C4orf50: variants seen among roughly 807,000 people sequenced by gnomAD.
C4orf50 encodes uncharacterized protein C4orf50.
Under a neutral mutation model 77.2 loss-of-function variants are expected in C4orf50, and 80 were observed. The ratio of observed to expected loss-of-function variants is 1.04; its 90% CI spans 0.87 to 1.25. The LOEUF is 1.25. Ranked by LOEUF, C4orf50 falls within the 50% of genes most tolerant of loss-of-function variation. C4orf50 has a pLI of 0.00. For synonymous variants in C4orf50, 532 were observed against 465.3 expected, an observed-to-expected ratio of 1.14 and a Z score of -1.84; for missense variants, 1,257 against 1,152.9, an observed-to-expected ratio of 1.09 and a Z score of -1.31.
intron 7 of C4orf50, among the ~76,000 whole-genome samples, chr4:5,911,878 T>C (rs1716822033): frequency 1.3e-5 from 2 of 152,082 alleles, no homozygotes; most frequent in Admixed American, 1.3e-4. Context: ...AAACCCCGTC[T>C]CTACTAAAAA....
rs901269969 is a variant in C4orf50 at position 5,916,254 on chromosome 4, A to G, written c.*2475-18066T>C. On this transcript the variant is annotated intron_variant, in intron 7 of 7. Coordinates refer to the C4orf50 transcript ENST00000324058. The surrounding 1 kb of genome is among the most constrained non-coding windows in gnomAD (Gnocchi z 4.4). ...AGCTCCTGGTTACTCTGGGGGGCCC[A>G]TGCACAGAGAATCATAGTTTCAGAA... Among the ~76,000 whole-genome samples the G allele has an allele frequency of 5.9e-5, 9 of 152,196 alleles. No individual in the cohort carries two copies. The highest frequency in any genetic ancestry group is 1.9e-4 in the African/African-American group (8 of 41,450).
At chr4:5,897,779 A>G (rs1716185448) in exon 8 of C4orf50, 1 of 152,232 alleles carries the variant, frequency 6.6e-6, no homozygotes, top group Admixed American at 6.5e-5. Flanking sequence ...CCGACCCACA[A>G]CTGGTCAGGA....
chr4:5,917,654 C>T (rs1367174357), intron 7 of C4orf50, among the ~76,000 whole-genome samples: 4 of 151,994 alleles, frequency 2.6e-5, no homozygotes, highest in African/African-American at 9.7e-5. Flanking sequence ...CCTCGTGATC[C>T]GCTCACCTTG....
At chr4:5,971,328 G>T (rs1035250050) in intron 31 of C4orf50, among the ~76,000 whole-genome samples, 2 of 152,320 alleles carry the variant, frequency 1.3e-5, no homozygotes, top group East Asian at 1.9e-4. Context: ...CCAGCGCCAC[G>T]CCCACCCTGC....
At chr4:5,941,738 T>C (rs973984530) in intron 7 of C4orf50, among the ~76,000 whole-genome samples, 1 of 152,042 alleles carries the variant, frequency 6.6e-6, no homozygotes, top group Non-Finnish European at 1.5e-5. Flanking sequence ...TTGTCCCCAT[T>C]GTACGGAGGA....
rs775127069 is a variant in C4orf50 at position 5,908,422 on chromosome 4, C to T, written c.*2475-10234G>A. On this transcript the variant is annotated intron_variant, in intron 7 of 7. Coordinates refer to the C4orf50 transcript ENST00000324058. The surrounding 1 kb of genome is among the most constrained non-coding windows in gnomAD (Gnocchi z 5.6). The stretch of plus-strand genomic sequence containing the variant: ...TCAACCAGTGGGCTCTGTGATGTGA[C>T]GATTCTATAAAACCACAGGAGGCAT... Among the ~76,000 whole-genome samples, 1 of 152,032 alleles carries T rather than the reference C, an allele frequency of 6.6e-6. No homozygotes were observed. The highest frequency in any genetic ancestry group is 1.5e-5 in the Non-Finnish European group (1 of 68,008).
chr4:5,940,275 T>C lies in C4orf50; in HGVS notation c.*2474+16626A>G, dbSNP rs1043165043. Reference sequence around the variant, plus strand: ...GCCCTCCTTTCCAAATGTATGAACCTCATCATTCAGTTGACACACTTGATA... The same window carrying C: ...GCCCTCCTTTCCAAATGTATGAACCCCATCATTCAGTTGACACACTTGATA... On this transcript the variant is annotated intron_variant, in intron 7 of 7. Transcript: ENST00000324058. Among the ~76,000 whole-genome samples the C allele has an allele frequency of 2.6e-5, 4 of 152,358 alleles. No homozygotes were observed. In the South Asian group the frequency reaches 8.3e-4, roughly 32 times the overall value.
exon 28 of C4orf50, chr4:5,988,594 G>T (rs1411802744): frequency 6.5e-7 from 1 of 1,536,298 alleles, no homozygotes; most frequent in Non-Finnish European, 8.7e-7. Context: ...CTCCTCCAAG[G>T]GTGGCCCACA....
chr4:5,969,728 G>A lies in C4orf50; in HGVS notation c.4105-2266C>T, dbSNP rs566968753. On this transcript the variant is annotated intron_variant, in intron 31 of 33. Transcript: ENST00000531445. The stretch of plus-strand genomic sequence containing the variant: ...CATAGGGTACAGCAGCCCCCACCTG[G>A]CCTAAGATAACAGGTGGCTTAGGTA... 1.6e-3 allele frequency among the ~76,000 whole-genome samples: 238 copies of A among 152,266 alleles called. 1 individual carries two copies. Among genetic ancestry groups the A allele is most frequent in the Middle Eastern group, 6.8e-3 (2 of 294 alleles).
At chr4:6,002,393 G>C (rs1489579793) in intron 25 of C4orf50, among the ~76,000 whole-genome samples, 1 of 152,200 alleles carries the variant, frequency 6.6e-6, no homozygotes, top group Non-Finnish European at 1.5e-5. Context: ...GAGAATAAAT[G>C]TCTGCCGTTT....
At position 5,901,313 on chromosome 4, in the gene C4orf50, T is replaced by C. The variant is rs1026949763; in HGVS notation, c.*2475-3125A>G. The C allele has an allele frequency of 2.6e-5, 4 of 152,220 alleles. No individual in the cohort carries two copies. The highest frequency in any genetic ancestry group is 9.6e-5 in the African/African-American group (4 of 41,460). The allele number at this position is 152,220 out of a possible 1,614,324, so 9.4% of individuals were successfully genotyped here. A position where few individuals can be genotyped will look rare whatever the true frequency, so the allele number is the denominator to read the frequency against. ...ACAACATGTAATTCTGCAAAATGCC[T>C]TCCCATCCAGTTTTTCCATTATTGC... On this transcript the variant is annotated intron_variant, in intron 7 of 7. Coordinates refer to the C4orf50 transcript ENST00000324058. The surrounding 1 kb of genome is among the most constrained non-coding windows in gnomAD (Gnocchi z 4.4).
At chr4:5,983,698 C>A (rs539300620) in intron 28 of C4orf50, among the ~76,000 whole-genome samples, 2 of 152,190 alleles carry the variant, frequency 1.3e-5, no homozygotes, top group Admixed American at 1.3e-4. Context: ...GGGTTTCTCT[C>A]TGAAATATTT....
At chr4:5,921,931 C>T (rs1286303747) in intron 7 of C4orf50, among the ~76,000 whole-genome samples, 2 of 152,082 alleles carry the variant, frequency 1.3e-5, no homozygotes, top group African/African-American at 2.4e-5. Flanking sequence ...GCATCAGGCA[C>T]AAAAAGCAGC....
chr4:5,977,420 T>C (rs969476032), intron 29 of C4orf50, among the ~76,000 whole-genome samples: 2 of 152,224 alleles, frequency 1.3e-5, no homozygotes, highest in Admixed American at 6.5e-5. Flanking sequence ...CAAAAGGTCT[T>C]GCATCTTGCT....
intron 25 of C4orf50, among the ~76,000 whole-genome samples, chr4:6,001,331 G>A (rs888511908): frequency 6.6e-6 from 1 of 152,192 alleles, no homozygotes; most frequent in African/African-American, 2.4e-5. Context: ...TGTATTTTTA[G>A]TAGAGACAGG....
intron 23 of C4orf50, among the ~76,000 whole-genome samples, chr4:6,013,930 A>C (rs148793711): frequency 1.6e-4 from 24 of 152,220 alleles, no homozygotes; most frequent in South Asian, 2.1e-4. Flanking sequence ...TGACATAGAC[A>C]GTGAAGGAAC....
At chr4:5,985,970 A>G (rs1257193965) in intron 28 of C4orf50, among the ~76,000 whole-genome samples, 1 of 152,250 alleles carries the variant, frequency 6.6e-6, no homozygotes, top group Non-Finnish European at 1.5e-5. Context: ...CAGCGTCTCA[A>G]AAATAAATAA....
In C4orf50 at chr4:5,990,578, G is replaced by A. The variant is rs1047502401; in HGVS notation, c.1468C>T (p.Gln490Ter). 4 of 398,952 alleles carry A rather than the reference G, an allele frequency of 1.0e-5. No homozygotes were observed. In the Admixed American group the frequency reaches 1.3e-4, roughly 13 times the overall value. 24.7% of individuals were successfully genotyped at this position (398,952 alleles called of 1,614,324 possible). ...GTGGCCAACTCTTCTTGGATTTTTT[G>A]TCCATCTGAGGGAACCTCCTGGAGC... is the stretch of plus-strand genomic sequence containing the variant. Residue 490 changes from glutamine (Q) to a stop codon, truncating the protein, a stop_gained, in exon 28 of 34, where the codon CAA (glutamine) becomes TAA (stop). Transcript: ENST00000531445. LOFTEE classifies it high-confidence loss of function.
Position 6,009,166 on chromosome 4 carries a change from G to A in C4orf50, c.427-634C>T, listed in dbSNP as rs1722382802. Among the ~76,000 whole-genome samples, 1 of 152,220 alleles carries A rather than the reference G, an allele frequency of 6.6e-6. No homozygotes were observed. The highest frequency in any genetic ancestry group is 2.4e-5 in the African/African-American group (1 of 41,450). On this transcript the variant is annotated intron_variant, in intron 24 of 33. Transcript: ENST00000531445. The surrounding 1 kb of genome is among the most constrained non-coding windows in gnomAD (Gnocchi z 5.6). ...TGCCAAGCGCCTTGTATCTGACTCA[G>A]GCCTTTTCTTCTTTCATCTGCCCAC...
Sources: gnomAD v4.1 joint callset for allele counts (sites outside exome capture counted in the v4.1 genomes callset) on GRCh38, gnomAD v4.1.1 for gene constraint, Gnocchi (gnomAD v3.1) non-coding constraint, MANE v1.5 for transcripts, NCBI Gene and HGNC (gene_info 2026-07-23, HGNC 2026-07-21) for gene names.